The following MYO1D variants were observed in gnomAD, a reference collection of about 807,000 sequenced individuals.
The protein encoded by MYO1D is unconventional myosin-Id.
In MYO1D, 83 loss-of-function variants were observed where a neutral mutation model predicts 122.0. The observed-to-expected ratio is 0.68, with a 90% CI of 0.57 to 0.82. The LOEUF is 0.82. Among genes scored for constraint, MYO1D ranks in the 40% least tolerant of loss-of-function variants. The pLI is 0.00. For missense variants in MYO1D, 1,157 were observed against 1,269.5 expected (o/e 0.91, Z 1.35); for synonymous variants, 464 against 446.9 (o/e 1.04, Z -0.48).
At chr17:32,782,683 C>T (rs895394965) in intron 1 of MYO1D, among the ~76,000 whole-genome samples, 27 of 152,166 alleles carry the variant, frequency 1.8e-4, no homozygotes, top group African/African-American at 6.5e-4. Context: ...TGCCTATAAT[C>T]CCAGCACTCT....
intron 21 of MYO1D, among the ~76,000 whole-genome samples, chr17:32,512,557 GC>G (rs60931435): frequency 0.037 from 5,661 of 152,266 alleles, 341 homozygotes; most frequent in African/African-American, 0.13. Context: ...TCCTGGCTTT[GC>G]GTGGCTTTGC....
At position 32,780,766 on chromosome 17, in the gene MYO1D, G is replaced by C. The variant is rs1448440881; in HGVS notation, c.114C>G (p.Ile38Met). ...CGACGACTTCTCCAATGAACGTATA[G>C]ATGCGCCCTTTTTCAAATCTGTACA... Reference protein sequence around the residue: ...NLRLRFEKGRIYTFIGEVVVS... With the variant: ...NLRLRFEKGRMYTFIGEVVVS... The change falls in exon 2 of 22, where the codon ATC becomes ATG. Residue 38 changes from isoleucine to methionine, a missense_variant. Ile to Met is a conservative substitution (Grantham distance 10). Coordinates refer to ENST00000318217, the MANE Select transcript of MYO1D (RefSeq NM_015194.3). 6.2e-7 allele frequency: 1 copy of C among 1,614,142 alleles called. No homozygotes were observed. Among genetic ancestry groups the C allele is most frequent in the Admixed American group, 1.7e-5 (1 of 60,028 alleles).
intron 21 of MYO1D, among the ~76,000 whole-genome samples, chr17:32,539,656 T>G (rs1189232655): frequency 6.6e-6 from 1 of 152,186 alleles, no homozygotes; most frequent in Non-Finnish European, 1.5e-5. Flanking sequence ...TCTACCTTTC[T>G]TTTATAAGGA....
At position 32,826,334 on chromosome 17, in the gene MYO1D, T is replaced by C. The variant is rs973002411; in HGVS notation, c.96-45550A>G. ...CACCCATTTAGCAGAGCCTGGCATA[T>C]AGGAAGTCAACAAAAGTTTGTTGAT... is the stretch of plus-strand genomic sequence containing the variant. On this transcript the variant is annotated intron_variant, in intron 1 of 21. Transcript: ENST00000318217. Among the ~76,000 whole-genome samples, 6 of 151,864 alleles carry C rather than the reference T, an allele frequency of 4.0e-5. No homozygotes were observed. The East Asian group carries it at 5.8e-4, about 15-fold the overall frequency.
intron 20 of MYO1D, among the ~76,000 whole-genome samples, chr17:32,630,705 T>A (rs1260075663): frequency 6.6e-6 from 1 of 152,098 alleles, no homozygotes; most frequent in South Asian, 2.1e-4. Flanking sequence ...CCCGATTAGC[T>A]GGGACTATAG....
intron 20 of MYO1D, among the ~76,000 whole-genome samples, chr17:32,608,874 G>C (rs2087663512): frequency 6.6e-6 from 1 of 152,160 alleles, no homozygotes; most frequent in Non-Finnish European, 1.5e-5. Flanking sequence ...AAATCTCACA[G>C]GCATTATGGT....
At chr17:32,496,329 T>G (rs1455512225) in intron 21 of MYO1D, 1 of 152,236 alleles carries the variant, frequency 6.6e-6, no homozygotes, top group Non-Finnish European at 1.5e-5. Context: ...CTCATGGCTG[T>G]CTCCCCCCTG....
intron 13 of MYO1D, among the ~76,000 whole-genome samples, chr17:32,741,837 C>A (rs1229727217): frequency 2.0e-5 from 3 of 151,882 alleles, no homozygotes; most frequent in African/African-American, 4.8e-5. Flanking sequence ...CACAGTGAAA[C>A]CCCGTCTCTA....
At chr17:32,554,086 G>A (rs543686819) in intron 21 of MYO1D, among the ~76,000 whole-genome samples, 2 of 152,196 alleles carry the variant, frequency 1.3e-5, no homozygotes, top group African/African-American at 4.8e-5. Flanking sequence ...CAGTTACTCT[G>A]CTCATCACCT....
intron 21 of MYO1D, among the ~76,000 whole-genome samples, chr17:32,500,397 G>T (rs1240795608): frequency 1.3e-5 from 2 of 152,184 alleles, no homozygotes; most frequent in African/African-American, 4.8e-5. Flanking sequence ...AGATACCTGT[G>T]AACCAGACCT....
At chr17:32,809,479 C>T (rs190221455) in intron 1 of MYO1D, among the ~76,000 whole-genome samples, 19 of 145,696 alleles carry the variant, frequency 1.3e-4, no homozygotes, top group Non-Finnish European at 1.9e-4. Context: ...TGCTCTGTTG[C>T]CCAGGCTGGA....
In MYO1D at chr17:32,843,880, T is replaced by C. The variant is rs150367498; in HGVS notation, c.95+32898A>G. On this transcript the variant is annotated intron_variant, in intron 1 of 21. Coordinates refer to ENST00000318217, the MANE Select transcript of MYO1D (RefSeq NM_015194.3). ...CTGTTGAAATAACACCACTTTTCTATATGGCCATCTAGCAATAAATATAAA... is the reference window on the plus strand; with the variant it reads ...CTGTTGAAATAACACCACTTTTCTACATGGCCATCTAGCAATAAATATAAA... Among the ~76,000 whole-genome samples, 164 of 152,282 alleles carry C rather than the reference T, an allele frequency of 1.1e-3. 2 individuals are homozygous for C. The highest frequency in any genetic ancestry group is 2.6e-3 in the Admixed American group (39 of 15,286).
intron 21 of MYO1D, among the ~76,000 whole-genome samples, chr17:32,560,884 C>T (rs1435934154): frequency 6.7e-6 from 1 of 148,446 alleles, no homozygotes; most frequent in African/African-American, 2.5e-5. Flanking sequence ...TCCCAAAGTG[C>T]GAGGATTACA....
In MYO1D at chr17:32,837,610, C is replaced by T. The variant is rs117728352; in HGVS notation, c.95+39168G>A. On this transcript the variant is annotated intron_variant, in intron 1 of 21. Transcript: ENST00000318217. ...AAAATCTTTCCTTCATCCATACTCA[C>T]AGAAGTTGAATTACTGAATTAATGT... 4.4e-3 allele frequency among the ~76,000 whole-genome samples: 664 copies of T among 152,234 alleles called. 2 individuals are homozygous for T. The highest frequency in any genetic ancestry group is 7.6e-3 in the Non-Finnish European group (517 of 67,992).
At chr17:32,699,200 T>G (rs2089214777) in intron 16 of MYO1D, among the ~76,000 whole-genome samples, 1 of 152,128 alleles carries the variant, frequency 6.6e-6, no homozygotes, top group Admixed American at 6.5e-5. Context: ...CCCGACCTCG[T>G]GATCCCCCTG....
At chr17:32,733,729 AGG>A (rs1268015814) in intron 14 of MYO1D, among the ~76,000 whole-genome samples, 2 of 152,168 alleles carry the variant, frequency 1.3e-5, no homozygotes, top group Admixed American at 1.3e-4. Context: ...GGGCAGCTTT[AGG>A]GGTTTTTTCC....
chr17:32,772,821 G>T lies in MYO1D; in HGVS notation c.586C>A (p.Pro196Thr). 6.2e-7 allele frequency: 1 copy of T among 1,613,436 alleles called. No individual in the cohort carries two copies. The highest frequency in any genetic ancestry group is 8.5e-7 in the Non-Finnish European group (1 of 1,179,392). ...LEKSRVIVQQPGERSFHSFYQ... is the reference protein window; with the variant it reads ...LEKSRVIVQQTGERSFHSFYQ... ...AAAGAATGAAAGCTTCTTTCTCCTGGCTGTTGCACAATCACTCGAGACTAA... is the reference window on the plus strand; with the variant it reads ...AAAGAATGAAAGCTTCTTTCTCCTGTCTGTTGCACAATCACTCGAGACTAA... The change falls in exon 5 of 22, where the codon CCA (proline) becomes ACA (threonine). Residue 196 changes from proline to threonine, a missense_variant. Transcript: ENST00000318217.
At chr17:32,832,615 C>T (rs1567663839) in intron 1 of MYO1D, among the ~76,000 whole-genome samples, 2 of 151,968 alleles carry the variant, frequency 1.3e-5, no homozygotes, top group Non-Finnish European at 2.9e-5. Context: ...ATGTATTTTG[C>T]ATTTGTTAAA....
At chr17:32,512,771 C>T (rs1177547148) in intron 21 of MYO1D, 1 of 152,224 alleles carries the variant, frequency 6.6e-6, no homozygotes, top group African/African-American at 2.4e-5. Context: ...TAATAACGTC[C>T]CTCAAGCTCT....
Sources: gnomAD v4.1 joint callset for allele counts (sites outside exome capture counted in the v4.1 genomes callset) on GRCh38, gnomAD v4.1.1 for gene constraint, MANE v1.5 for transcripts, NCBI Gene and HGNC (gene_info 2026-07-23, HGNC 2026-07-21) for gene names.